Variants in AFF4 observed in about 807,000 individuals in gnomAD.
AFF4 encodes ALF transcription elongation factor 4.
A neutral mutation model predicts 124.8 loss-of-function variants in AFF4; 13 were observed. That is an observed-to-expected ratio of 0.10 (90% CI 0.07 to 0.17). The LOEUF (loss-of-function observed/expected upper bound fraction) is 0.17, where lower values mean the gene tolerates loss of function less well. Among genes scored for constraint, AFF4 ranks in the 10% least tolerant of loss-of-function variants. The pLI is 1.00. For synonymous variants in AFF4, 477 were observed against 496.1 expected, an observed-to-expected ratio of 0.96 and a Z score of 0.51; for missense variants, 1,092 against 1,403.8, an observed-to-expected ratio of 0.78 and a Z score of 3.55.
intron 5 of AFF4, among the ~76,000 whole-genome samples, chr5:132,920,799 T>A (rs199601105): frequency 6.6e-6 from 1 of 152,148 alleles, no homozygotes; most frequent in Non-Finnish European, 1.5e-5. Context: ...AACAAAATTT[T>A]CAAATCACAT....
chr5:132,942,166 G>GT (rs956661285), intron 1 of AFF4, among the ~76,000 whole-genome samples: 14 of 152,230 alleles, frequency 9.2e-5, no homozygotes, highest in Non-Finnish European at 1.6e-4. Flanking sequence ...GTCCCAGGTT[G>GT]TTTTTACCTG....
chr5:132,931,480 G>C (rs1318280062), intron 4 of AFF4, among the ~76,000 whole-genome samples: 1 of 152,138 alleles, frequency 6.6e-6, no homozygotes, highest in Admixed American at 6.6e-5. Context: ...TGTAAGATTT[G>C]ACCAGTATGT....
intron 3 of AFF4, 114 bp downstream of exon 3, chr5:132,934,033 T>C: frequency 1.6e-6 from 2 of 1,225,886 alleles, no homozygotes; most frequent in Non-Finnish European, 1.1e-6. Flanking sequence ...CTTTCAACTT[T>C]TACATTCCTT....
chr5:132,880,590 T>C lies in AFF4; in HGVS notation c.*469A>G. On this transcript the variant is annotated 3_prime_UTR_variant, in exon 21 of 21. Coordinates refer to ENST00000265343, the MANE Select transcript of AFF4 (RefSeq NM_014423.4). The stretch of plus-strand genomic sequence containing the variant: ...TTTTAGACGAACCAATTCTTACTCT[T>C]AGAACAGCTACCACAAAAAGATATT... 2.7e-6 allele frequency: 1 copy of C among 370,320 alleles called. No individual in the cohort carries two copies. The highest frequency in any genetic ancestry group is 4.8e-6 in the Non-Finnish European group (1 of 208,360). The allele number at this position is 370,320 out of a possible 1,614,324, so 22.9% of individuals were successfully genotyped here.
chr5:132,961,799 G>A (rs1762087392), intron 1 of AFF4, among the ~76,000 whole-genome samples: 1 of 152,046 alleles, frequency 6.6e-6, no homozygotes, highest in Non-Finnish European at 1.5e-5. Flanking sequence ...TTTCTAGAGA[G>A]TTAACAAAAA....
At chr5:132,937,032 A>G (rs772353031) in intron 2 of AFF4, 35 bp downstream of exon 2, 3 of 1,576,164 alleles carry the variant, frequency 1.9e-6, no homozygotes, top group Non-Finnish European at 1.7e-6. Context: ...ATGTCATGCT[A>G]ATGGGAAAAA....
At chr5:132,895,659 C>G (rs1052030855) in intron 11 of AFF4, among the ~76,000 whole-genome samples, 1 of 152,228 alleles carries the variant, frequency 6.6e-6, no homozygotes, top group Non-Finnish European at 1.5e-5. Flanking sequence ...GTTTTTCCCA[C>G]AGTCTCTATA....
At chr5:132,959,471 A>AT (rs148743157) in intron 1 of AFF4, among the ~76,000 whole-genome samples, 17,507 of 151,874 alleles carry the variant, frequency 0.12, 1,284 homozygotes, top group South Asian at 0.2. Context: ...GGTAGCTAAG[A>AT]TTTTTTTTCT....
In AFF4 at chr5:132,877,794, T is replaced by C. The variant is rs1386908505; in HGVS notation, c.*3265A>G. 1 of 212,858 alleles carries C rather than the reference T, an allele frequency of 4.7e-6. No individual in the cohort carries two copies. The highest frequency in any genetic ancestry group is 2.3e-5 in the African/African-American group (1 of 44,176). The allele number at this position is 212,858 out of a possible 1,614,324, so 13.2% of individuals were successfully genotyped here. A position where few individuals can be genotyped will look rare whatever the true frequency, so the allele number is the denominator to read the frequency against. The stretch of plus-strand genomic sequence containing the variant: ...ACGTTTCTGTCATTAAATACAAAAT[T>C]ATGCTGTCTGATCTGTCTGATTAAA... On this transcript the variant is annotated 3_prime_UTR_variant, in exon 21 of 21. Transcript: ENST00000265343.
chr5:132,954,784 T>C (rs1020869542), intron 1 of AFF4, among the ~76,000 whole-genome samples: 1 of 152,074 alleles, frequency 6.6e-6, no homozygotes, highest in Admixed American at 6.6e-5. Context: ...CCTGACCTCG[T>C]GATCCGCCCG....
chr5:132,897,376 G>T, intron 10 of AFF4, 136 bp from the exon 11 acceptor site: 1 of 892,918 alleles, frequency 1.1e-6, no homozygotes, highest in Non-Finnish European at 1.7e-6. Context: ...ATGAACCAAA[G>T]CAAAGGGCTG....
intron 5 of AFF4, 38 bp from the exon 6 acceptor site, chr5:132,904,442 T>TA (rs755915706): frequency 1.6e-5 from 25 of 1,554,572 alleles, no homozygotes; most frequent in Admixed American, 1.4e-4. Flanking sequence ...AAAGTTACAC[T>TA]AAAAAAGAAA....
intron 5 of AFF4, among the ~76,000 whole-genome samples, chr5:132,917,705 C>CTTTTTTTTTTTTT (rs58145774): frequency 5.4e-5 from 4 of 74,054 alleles, no homozygotes; most frequent in Admixed American, 1.8e-4. Context: ...CTTTTCTTTT[C>CTTTTTTTTTTTTT]TTTTTTTTTT....
chr5:132,927,333 T>C, intron 4 of AFF4, 126 bp from the exon 5 acceptor site: 1 of 739,594 alleles, frequency 1.4e-6, no homozygotes, highest in Non-Finnish European at 2.3e-6. Context: ...ACATACTTAG[T>C]CAATAAATAT....
chr5:132,921,473 CTTTT>C (rs142500965), intron 5 of AFF4, among the ~76,000 whole-genome samples: 1 of 119,896 alleles, frequency 8.3e-6, no homozygotes, highest in Non-Finnish European at 1.9e-5. Flanking sequence ...TTTTTTTTTT[CTTTT>C]TTTTTTTTTT....
At chr5:132,917,966 C>T (rs1486205513) in intron 5 of AFF4, among the ~76,000 whole-genome samples, 3 of 151,336 alleles carry the variant, frequency 2.0e-5, no homozygotes, top group Admixed American at 1.3e-4. Flanking sequence ...GGTGATCCTC[C>T]TTCAGCCTCC....
chr5:132,941,182 T>G (rs563611743), intron 1 of AFF4, among the ~76,000 whole-genome samples: 2 of 152,270 alleles, frequency 1.3e-5, no homozygotes, highest in South Asian at 4.1e-4. Context: ...TGAAATAAGT[T>G]TTCTCCAAAA....
At chr5:132,921,462 C>CTTTTTTTTTTTTTTTTTTTTTTT (rs759442039) in intron 5 of AFF4, among the ~76,000 whole-genome samples, 1 of 129,536 alleles carries the variant, frequency 7.7e-6, no homozygotes, top group South Asian at 2.6e-4. Context: ...CAGTTGTTTT[C>CTTTTTTTTTTTTTTTTTTTTTTT]TTTTTTTTTT....
chr5:132,926,254 T>A (rs758201901), intron 5 of AFF4: 3 of 475,368 alleles, frequency 6.3e-6, no homozygotes, highest in Non-Finnish European at 1.3e-5. Flanking sequence ...GGGGACGGAA[T>A]TGGGGAAAGG....
Sources: gnomAD v4.1 joint callset for allele counts (sites outside exome capture counted in the v4.1 genomes callset) on GRCh38, gnomAD v4.1.1 for gene constraint, MANE v1.5 for transcripts, NCBI Gene and HGNC (gene_info 2026-07-23, HGNC 2026-07-21) for gene names.